The following TEX9 variants were observed in gnomAD, a reference collection of about 807,000 sequenced individuals.
The protein encoded by TEX9 is testis expressed 9, also known as testis-expressed protein 9.
TEX9 carries 74 observed loss-of-function variants against 59.6 expected under a neutral mutation model. The observed-to-expected ratio is 1.24, with a 90% CI of 1.03 to 1.51. The LOEUF is 1.51. Ranked by LOEUF, TEX9 falls within the 40% of genes most tolerant of loss-of-function variation. The pLI, the probability that TEX9 is intolerant of heterozygous loss-of-function variation, is 0.00. For synonymous variants in TEX9, 186 were observed against 152.2 expected (o/e 1.22, Z -1.64); for missense variants, 522 against 447.8 (o/e 1.17, Z -1.49).
chr15:56,345,492 T>C (rs2141850326), intron 1 of TEX9, among the ~76,000 whole-genome samples: 1 of 152,296 alleles, frequency 6.6e-6, no homozygotes, highest in African/African-American at 2.4e-5. Context: ...TCTTGCTATG[T>C]TGCCCAAGCT....
chr15:56,281,401 G>T lies in TEX9; in HGVS notation c.-107+37123G>T, dbSNP rs146802788. On this transcript the variant is annotated intron_variant, in intron 1 of 5. Transcript: ENST00000560827. Reference sequence around the variant, plus strand: ...CATTACTGCCAGAGCTCTGCCTCCTGTCTGATCAGCCATGATATTAGATTC... The same window carrying T: ...CATTACTGCCAGAGCTCTGCCTCCTTTCTGATCAGCCATGATATTAGATTC... Among the ~76,000 whole-genome samples, 126 of 152,358 alleles carry T rather than the reference G, an allele frequency of 8.3e-4. 1 individual carries two copies. The East Asian group carries it at 0.023, about 28-fold the overall frequency.
chr15:56,278,604 T>C (rs1438453151), intron 1 of TEX9, among the ~76,000 whole-genome samples: 1 of 152,210 alleles, frequency 6.6e-6, no homozygotes, highest in Non-Finnish European at 1.5e-5. Flanking sequence ...GGTAGTATTT[T>C]TGAAGCAGTT....
chr15:56,271,443 T>A (rs1183868141), intron 1 of TEX9, among the ~76,000 whole-genome samples: 1 of 152,188 alleles, frequency 6.6e-6, no homozygotes, highest in Non-Finnish European at 1.5e-5. Flanking sequence ...CTGAAGCTTG[T>A]GCATGCGTCA....
chr15:56,422,236 A>T (rs2050014175), intron 10 of TEX9, among the ~76,000 whole-genome samples: 1 of 151,600 alleles, frequency 6.6e-6, no homozygotes, highest in Non-Finnish European at 1.5e-5. Flanking sequence ...TGTACCCTAA[A>T]ACTTAAAGTA....
At chr15:56,281,553 G>T (rs951687600) in intron 1 of TEX9, among the ~76,000 whole-genome samples, 1 of 151,876 alleles carries the variant, frequency 6.6e-6, no homozygotes, top group Admixed American at 6.6e-5. Context: ...CTCACCCCCC[G>T]CCCCACTCTT....
At chr15:56,405,640 C>T (rs2049043050) in intron 9 of TEX9, among the ~76,000 whole-genome samples, 2 of 152,040 alleles carry the variant, frequency 1.3e-5, no homozygotes, top group African/African-American at 4.8e-5. Context: ...ATCTACCCTG[C>T]CAGATAGGTA....
At chr15:56,299,494 G>A (rs779459109) in intron 1 of TEX9, among the ~76,000 whole-genome samples, 6 of 152,192 alleles carry the variant, frequency 3.9e-5, no homozygotes, top group Non-Finnish European at 8.8e-5. Flanking sequence ...TCCTGGTGCT[G>A]TTCTAGGCTC....
In TEX9 at chr15:56,319,812, T is replaced by C. The variant is rs78325262; in HGVS notation, c.-106-53629T>C. Among the ~76,000 whole-genome samples, 859 of 152,210 alleles carry C rather than the reference T, an allele frequency of 5.6e-3. 2 individuals carry two copies. The highest frequency in any genetic ancestry group is 0.01 in the Middle Eastern group (3 of 294). ...AATATTGTGAATCATATCTTTCAGA[T>C]GGGGGGAAGTTGGAAAATGAGTATT... On this transcript the variant is annotated intron_variant, in intron 1 of 5. Coordinates refer to the TEX9 transcript ENST00000560827.
At chr15:56,245,585 G>A (rs534045482) in intron 1 of TEX9, among the ~76,000 whole-genome samples, 51 of 152,292 alleles carry the variant, frequency 3.3e-4, no homozygotes, top group Admixed American at 5.2e-4. Context: ...CTAGACAGAA[G>A]CTTTGAAGGA....
intron 1 of TEX9, among the ~76,000 whole-genome samples, chr15:56,290,426 T>C (rs1436421920): frequency 2.0e-5 from 3 of 152,112 alleles, no homozygotes; most frequent in Non-Finnish European, 1.5e-5. Flanking sequence ...GTCTCAGGTA[T>C]GTTGATTTCA....
intron 9 of TEX9, among the ~76,000 whole-genome samples, chr15:56,407,457 C>T (rs1300526499): frequency 6.6e-6 from 1 of 151,932 alleles, no homozygotes; most frequent in Non-Finnish European, 1.5e-5. Context: ...GGTATTTGTC[C>T]ACTTCATCTA....
At chr15:56,459,851 G>A in the TEX9 span, among the ~76,000 whole-genome samples, 1 of 150,522 alleles carries the variant, frequency 6.6e-6, no homozygotes, top group African/African-American at 2.4e-5. Flanking sequence ...TTAGCTGGGT[G>A]TGGTGGTGCA....
intron 7 of TEX9, among the ~76,000 whole-genome samples, chr15:56,392,293 C>T (rs2048252443): frequency 6.6e-6 from 1 of 152,132 alleles, no homozygotes; most frequent in African/African-American, 2.4e-5. Flanking sequence ...ATAGCAGTTT[C>T]TGCTTCTGGG....
intron 9 of TEX9, among the ~76,000 whole-genome samples, chr15:56,405,980 A>G (rs2049057370): frequency 1.3e-5 from 2 of 152,214 alleles, no homozygotes; most frequent in Non-Finnish European, 2.9e-5. Context: ...AATAAAACAT[A>G]CTTGTTTTTA....
intron 3 of TEX9, among the ~76,000 whole-genome samples, chr15:56,375,356 G>A (rs2142055279): frequency 1.3e-5 from 2 of 152,106 alleles, no homozygotes; most frequent in East Asian, 3.9e-4. Context: ...ACTTTTTGAT[G>A]GGGTTGTTTG....
chr15:56,274,976 A>G (rs1303979307), intron 1 of TEX9, among the ~76,000 whole-genome samples: 2 of 152,088 alleles, frequency 1.3e-5, no homozygotes, highest in Admixed American at 6.5e-5. Context: ...TCACTCTCCA[A>G]GGTATCTTAC....
rs185903707 is a variant in TEX9, at chr15:56,282,275, A to C, written c.-107+37997A>C. Among the ~76,000 whole-genome samples, 697 of 152,316 alleles carry C rather than the reference A, an allele frequency of 4.6e-3. 7 individuals are homozygous for C. Among genetic ancestry groups the C allele is most frequent in the Non-Finnish European group, 7.9e-3 (535 of 68,006 alleles). On this transcript the variant is annotated intron_variant, in intron 1 of 5. Transcript: ENST00000560827. ...CGTCACAATCATCTCAACAGATGCCAAAAGGACATTTAATAAAATCAAAGT... is the reference window on the plus strand; with the variant it reads ...CGTCACAATCATCTCAACAGATGCCCAAAGGACATTTAATAAAATCAAAGT...
chr15:56,366,881 A>G (rs543754555), intron 2 of TEX9, among the ~76,000 whole-genome samples: 1 of 152,342 alleles, frequency 6.6e-6, no homozygotes, highest in East Asian at 1.9e-4. Flanking sequence ...AGATAATCAT[A>G]TCTTCTTCTC....
chr15:56,327,336 G>T (rs2046040476), intron 1 of TEX9, among the ~76,000 whole-genome samples: 3 of 152,010 alleles, frequency 2.0e-5, no homozygotes, highest in Admixed American at 2.0e-4. Context: ...CAGTTTCATT[G>T]AACAATGAAT....
Sources: allele counts gnomAD v4.1 joint callset (sites outside exome capture counted in the v4.1 genomes callset), GRCh38; gene constraint gnomAD v4.1.1; transcripts MANE v1.5; gene names NCBI Gene and HGNC (gene_info 2026-07-23, HGNC 2026-07-21).